MED15: variants seen among roughly 807,000 people sequenced by gnomAD.
The protein encoded by MED15 is mediator of RNA polymerase II transcription subunit 15.
A neutral mutation model predicts 118.7 loss-of-function variants in MED15; 41 were observed. The ratio of observed to expected loss-of-function variants is 0.35; its 90% CI spans 0.27 to 0.45. MED15 has a LOEUF of 0.45. Among genes scored for constraint, MED15 ranks in the 20% least tolerant of loss-of-function variants. The probability of loss-of-function intolerance (pLI) is 1.00; values close to 1 mark genes in which losing one functional copy is unlikely to be tolerated. For missense variants in MED15, 740 were observed against 1,025.5 expected (o/e 0.72, Z 3.80); for synonymous variants, 436 against 413.9 (o/e 1.05, Z -0.65).
At chr22:20,565,388 CTG>C (rs949693095) in intron 6 of MED15, among the ~76,000 whole-genome samples, 2 of 152,212 alleles carry the variant, frequency 1.3e-5, no homozygotes, top group East Asian at 1.9e-4. Flanking sequence ...CTGTTTACCT[CTG>C]TGTCTTGGGT....
intron 1 of MED15, among the ~76,000 whole-genome samples, chr22:20,511,138 T>G (rs1488907266): frequency 6.6e-6 from 1 of 152,210 alleles, no homozygotes; most frequent in Non-Finnish European, 1.5e-5. Context: ...TCCTCCCATG[T>G]TTTTACACTG....
At chr22:20,538,450 A>G (rs145962133) in intron 2 of MED15, among the ~76,000 whole-genome samples, 1 of 151,180 alleles carries the variant, frequency 6.6e-6, no homozygotes, top group South Asian at 2.1e-4. Context: ...AGGTCCCACT[A>G]TGTTGCCCAG....
chr22:20,534,919 GCCT>G (rs1193664924), intron 1 of MED15, among the ~76,000 whole-genome samples: 2 of 152,230 alleles, frequency 1.3e-5, no homozygotes, highest in African/African-American at 4.8e-5. Flanking sequence ...ACCCCTTGCT[GCCT>G]CCTCGCCTCC....
intron 5 of MED15, 49 bp downstream of exon 5, chr22:20,555,197 A>G (rs936767965): frequency 3.4e-6 from 5 of 1,484,820 alleles, no homozygotes; most frequent in African/African-American, 2.8e-5. Context: ...TGCAAACGAC[A>G]ACACATTTTA....
intron 5 of MED15, among the ~76,000 whole-genome samples, chr22:20,555,971 C>CCGAG: frequency 6.6e-6 from 1 of 152,340 alleles, no homozygotes; most frequent in South Asian, 2.1e-4. Context: ...GATCTGCTCA[C>CCGAG]CTCGGCCTCC....
chr22:20,538,410 C>T (rs1350854679), intron 2 of MED15, among the ~76,000 whole-genome samples: 27 of 152,114 alleles, frequency 1.8e-4, no homozygotes, highest in Non-Finnish European at 1.3e-4. Context: ...CCACCACACC[C>T]GGCTAAGTTT....
chr22:20,584,458 C>G (rs1569253663), intron 14 of MED15, 33 bp downstream of exon 14: 3 of 1,607,968 alleles, frequency 1.9e-6, no homozygotes, highest in Non-Finnish European at 2.6e-6. Flanking sequence ...CTAGGGGAAC[C>G]AGGGCTCTCC....
At chr22:20,548,905 C>G (rs576391690) in intron 2 of MED15, among the ~76,000 whole-genome samples, 18 of 152,318 alleles carry the variant, frequency 1.2e-4, no homozygotes, top group African/African-American at 3.8e-4. Flanking sequence ...CTCCCAGGCT[C>G]AAGCCTCAGC....
chr22:20,509,815 T>G (rs1168527256), intron 1 of MED15, among the ~76,000 whole-genome samples: 1 of 152,094 alleles, frequency 6.6e-6, no homozygotes, highest in Non-Finnish European at 1.5e-5. Flanking sequence ...TCAGGGTTCC[T>G]GCAAGAAAAG....
At chr22:20,569,642 G>A (rs558677946) in intron 8 of MED15, among the ~76,000 whole-genome samples, 2 of 151,408 alleles carry the variant, frequency 1.3e-5, no homozygotes, top group South Asian at 2.1e-4. Context: ...GCCTGAGGAG[G>A]GAATCTGAGG....
At chr22:20,557,842 C>T (rs1246809508) in intron 5 of MED15, among the ~76,000 whole-genome samples, 1 of 152,194 alleles carries the variant, frequency 6.6e-6, no homozygotes, top group Non-Finnish European at 1.5e-5. Context: ...CACGGTGGCT[C>T]ACGCCTGTAA....
chr22:20,575,793 AAAATT>A (rs1198222831), intron 9 of MED15, among the ~76,000 whole-genome samples: 3 of 151,942 alleles, frequency 2.0e-5, no homozygotes, highest in African/African-American at 7.2e-5. Flanking sequence ...AAAGTCAACT[AAAATT>A]AAATAAAATG....
chr22:20,562,178 A>G lies in MED15; in HGVS notation c.452-2272A>G, dbSNP rs543428741. 3.3e-5 allele frequency among the ~76,000 whole-genome samples: 5 copies of G among 152,288 alleles called. No individual in the cohort carries two copies. The South Asian group carries it at 1.0e-3, about 32-fold the overall frequency. On this transcript the variant is annotated intron_variant, in intron 5 of 17. Coordinates refer to ENST00000263205, the MANE Select transcript of MED15 (RefSeq NM_001003891.3). ...CCCGTCTCAAAAAAGAAACAAACAAAAAAAAGGATGAAGAAAGATGTATTG... is the reference window on the plus strand; with the variant it reads ...CCCGTCTCAAAAAAGAAACAAACAAGAAAAAGGATGAAGAAAGATGTATTG...
intron 4 of MED15, 132 bp downstream of exon 4, chr22:20,553,306 G>T (rs1018114224): frequency 2.1e-6 from 2 of 936,344 alleles, no homozygotes; most frequent in Non-Finnish European, 3.3e-6. Context: ...GAGAACTCTG[G>T]AGGGAGGAGG....
chr22:20,522,837 CCAGAG>C (rs1165108905), intron 1 of MED15: 1 of 152,464 alleles, frequency 6.6e-6, no homozygotes, highest in African/African-American at 2.4e-5. Context: ...GCAGAGAACT[CCAGAG>C]CAGGGCTGTG....
chr22:20,507,860 CG>C, intron 1 of MED15, 114 bp downstream of exon 1: 2 of 1,524,194 alleles, frequency 1.3e-6, no homozygotes, highest in Middle Eastern at 3.9e-4. Flanking sequence ...CAGAAGGCGC[CG>C]GGGACTTGCG....
chr22:20,583,808 A>C, intron 13 of MED15: 1 of 236,880 alleles, frequency 4.2e-6, no homozygotes, highest in Non-Finnish European at 8.5e-6. Context: ...GTTGTCATGA[A>C]AATGAAACAA....
chr22:20,533,392 A>G (rs1291900584), intron 1 of MED15, among the ~76,000 whole-genome samples: 1 of 152,196 alleles, frequency 6.6e-6, no homozygotes, highest in Non-Finnish European at 1.5e-5. Context: ...GTGACACTTG[A>G]TCTTCAAACT....
chr22:20,582,721 C>T lies in MED15; in HGVS notation c.1383C>T (p.Pro461=). The T allele has an allele frequency of 6.3e-7, 1 of 1,594,996 alleles. No individual in the cohort carries two copies. The highest frequency in any genetic ancestry group is 8.5e-7 in the Non-Finnish European group (1 of 1,176,828). Residue 461 remains proline, a synonymous_variant, in exon 10 of 18, where the codon CCC becomes CCT. Transcript: ENST00000263205. ...PPQPSPQPGQ[P]SSQPNSNVSS... is the part of the protein sequence containing the mutation. Reference sequence around the variant, plus strand: ...AGCCGTCCCCGCAGCCCGGCCAGCCCAGCTCACAGCCCAACTCCAACGTCA... The same window carrying T: ...AGCCGTCCCCGCAGCCCGGCCAGCCTAGCTCACAGCCCAACTCCAACGTCA...
Sources: allele counts gnomAD v4.1 joint callset (sites outside exome capture counted in the v4.1 genomes callset), GRCh38; gene constraint gnomAD v4.1.1; transcripts MANE v1.5; gene names NCBI Gene and HGNC (gene_info 2026-07-23, HGNC 2026-07-21).